Variants in PRRG1 observed in about 807,000 individuals in gnomAD.
The protein encoded by PRRG1 is proline rich and Gla domain 1.
Under a neutral mutation model 11.8 loss-of-function variants are expected in PRRG1, and 5 were observed. The observed-to-expected ratio is 0.42, with a 90% CI of 0.22 to 0.89. PRRG1 has a LOEUF of 0.89. Among genes scored for constraint, PRRG1 ranks in the 40% least tolerant of loss-of-function variants. PRRG1 has a pLI of 0.28. For missense variants in PRRG1, 155 were observed against 166.1 expected (o/e 0.93, Z 0.37); for synonymous variants, 66 against 60.4 (o/e 1.09, Z -0.43).
intron 3 of PRRG1, among the ~76,000 whole-genome samples, chrX:37,443,370 C>G (rs1933020547): frequency 9.0e-6 from 1 of 111,237 alleles, no homozygotes; most frequent in African/African-American, 3.3e-5. Context: ...TATTAGGTAT[C>G]CAAATGGAAA....
At chrX:37,431,419 G>A (rs1932826081) in intron 3 of PRRG1, among the ~76,000 whole-genome samples, 1 of 112,190 alleles carries the variant, frequency 8.9e-6, no homozygotes, top group Non-Finnish European at 1.9e-5. Flanking sequence ...TATTGTTACT[G>A]TGTTTTATTT....
intron 2 of PRRG1, among the ~76,000 whole-genome samples, chrX:37,411,574 A>T (rs1051911464): frequency 9.8e-5 from 11 of 112,065 alleles, no homozygotes; most frequent in African/African-American, 3.6e-4. Flanking sequence ...ATTTTTAAAA[A>T]TATAGCTACT....
chrX:37,375,682 A>G (rs1556371906), intron 1 of PRRG1, among the ~76,000 whole-genome samples: 2 of 111,433 alleles, frequency 1.8e-5, no homozygotes, highest in Admixed American at 9.5e-5. Flanking sequence ...AGGAACCACT[A>G]TAGTTTCACC....
intron 1 of PRRG1, among the ~76,000 whole-genome samples, chrX:37,402,402 A>G (rs190317002): frequency 3.7e-4 from 42 of 112,055 alleles, no homozygotes; most frequent in Non-Finnish European, 6.2e-4. Context: ...TCCCTATTTA[A>G]TAAGGGCTGG....
At position 37,427,176 on chromosome X, in the gene PRRG1, A is replaced by T. The variant is rs904196996; in HGVS notation, c.171+1176A>T. Among the ~76,000 whole-genome samples the T allele has an allele frequency of 3.2e-4, 36 of 112,044 alleles. 1 individual carries two copies. The highest frequency in any genetic ancestry group is 1.1e-3 in the African/African-American group (35 of 30,872). ...GTTTTCACAAGGCTAATGGCTTTTT[A>T]CCCTACTTTATCATTCTCCTTTAAA... On this transcript the variant is annotated intron_variant, in intron 3 of 3. Transcript: ENST00000378628.
In PRRG1 at chrX:37,453,945, T is replaced by A; in HGVS notation, c.*324T>A. ...CATCAACACAGTATATGTAAAACTG[T>A]CTTAAAAATCCATTAACTTCTACCT... On this transcript the variant is annotated 3_prime_UTR_variant, in exon 4 of 4. Coordinates refer to ENST00000378628, the MANE Select transcript of PRRG1 (RefSeq NM_001142395.2). 1 of 139,114 alleles carries A rather than the reference T, an allele frequency of 7.2e-6. No individual in the cohort carries two copies. The allele number at this position is 139,114 out of a possible 1,213,427, so 11.5% of individuals were successfully genotyped here. A position where few individuals can be genotyped will look rare whatever the true frequency, so the allele number is the denominator to read the frequency against.
chrX:37,409,338 A>G (rs982488660), intron 2 of PRRG1, among the ~76,000 whole-genome samples: 1 of 112,034 alleles, frequency 8.9e-6, no homozygotes, highest in African/African-American at 3.2e-5. Flanking sequence ...TTGCTGTCTT[A>G]GGAGTGGCAG....
chrX:37,403,228 G>A (rs1216366396), intron 1 of PRRG1, among the ~76,000 whole-genome samples: 1 of 109,882 alleles, frequency 9.1e-6, no homozygotes, highest in Non-Finnish European at 1.9e-5. Context: ...TTGGAACCAA[G>A]CCAAATATCC....
At chrX:37,374,425 T>C (rs1194792960) in intron 1 of PRRG1, among the ~76,000 whole-genome samples, 2 of 111,990 alleles carry the variant, frequency 1.8e-5, no homozygotes, top group African/African-American at 6.5e-5. Context: ...TCGTATCTTG[T>C]ATATATTCAT....
At chrX:37,391,559 T>C (rs1209799794) in intron 1 of PRRG1, among the ~76,000 whole-genome samples, 1 of 112,057 alleles carries the variant, frequency 8.9e-6, no homozygotes, top group Non-Finnish European at 1.9e-5. Flanking sequence ...ATTCATAGTA[T>C]TTCAGGTGGT....
Position 37,457,029 on chromosome X carries a change from A to G in PRRG1, c.*3408A>G, listed in dbSNP as rs1921382821. On this transcript the variant is annotated 3_prime_UTR_variant, in exon 4 of 4. Transcript: ENST00000378628. ...AAATGTAATGATTTCTTCTTTTCCTATTGACCAGTACAGATAGATATGTTG... is the reference window on the plus strand; with the variant it reads ...AAATGTAATGATTTCTTCTTTTCCTGTTGACCAGTACAGATAGATATGTTG... The G allele has an allele frequency of 8.9e-6, 1 of 112,061 alleles. No individual in the cohort carries two copies. Among genetic ancestry groups the G allele is most frequent in the African/African-American group, 3.2e-5 (1 of 30,848 alleles). 9.2% of individuals were successfully genotyped at this position (112,061 alleles called of 1,213,427 possible). A position where few individuals can be genotyped will look rare whatever the true frequency, so the allele number is the denominator to read the frequency against.
At position 37,406,268 on chromosome X, in the gene PRRG1, C is replaced by G; in HGVS notation, c.10+9C>G. ...AGAAAACATGGGGAGGGGTAAGTTT[C>G]TCTTCCTTTTTAAGTAATTCAGACT... On this transcript the variant is annotated intron_variant, in intron 2 of 3. Coordinates refer to ENST00000378628, the MANE Select transcript of PRRG1 (RefSeq NM_001142395.2). 1 of 1,200,181 alleles carries G rather than the reference C, an allele frequency of 8.3e-7. No individual in the cohort carries two copies. Among genetic ancestry groups the G allele is most frequent in the Non-Finnish European group, 1.1e-6 (1 of 885,566 alleles).
At chrX:37,429,887 ATGG>A (rs1168633158) in intron 3 of PRRG1, among the ~76,000 whole-genome samples, 1 of 111,948 alleles carries the variant, frequency 8.9e-6, no homozygotes, top group African/African-American at 3.3e-5. Flanking sequence ...CACTTCTTAC[ATGG>A]TGGCAGCAAG....
chrX:37,368,928 T>C (rs1057122841), intron 1 of PRRG1, among the ~76,000 whole-genome samples: 10 of 111,707 alleles, frequency 9.0e-5, no homozygotes, highest in African/African-American at 3.3e-4. Flanking sequence ...AAGTAAAATA[T>C]GGAAATCTTA....
intron 1 of PRRG1, among the ~76,000 whole-genome samples, chrX:37,383,989 A>G (rs1217809357): frequency 9.1e-6 from 1 of 109,841 alleles, no homozygotes; most frequent in African/African-American, 3.3e-5. Context: ...ATAAGCACCT[A>G]ATGCCATAGT....
chrX:37,415,783 C>A (rs1200532398), intron 2 of PRRG1, among the ~76,000 whole-genome samples: 1 of 111,635 alleles, frequency 9.0e-6, no homozygotes, highest in African/African-American at 3.3e-5. Context: ...CTATTTCTTT[C>A]CTTATTTAGG....
chrX:37,403,117 A>T (rs1183694419), intron 1 of PRRG1, among the ~76,000 whole-genome samples: 2 of 109,581 alleles, frequency 1.8e-5, no homozygotes, highest in African/African-American at 3.3e-5. Context: ...TGACCCAGCC[A>T]TCCCATTACT....
chrX:37,431,098 A>G (rs782587352), intron 3 of PRRG1, among the ~76,000 whole-genome samples: 8 of 112,325 alleles, frequency 7.1e-5, no homozygotes, highest in Non-Finnish European at 1.3e-4. Context: ...ATTTTTGTTT[A>G]TGAGTAATAT....
At chrX:37,350,801 C>T (rs1468124080) in intron 1 of PRRG1, among the ~76,000 whole-genome samples, 2 of 110,916 alleles carry the variant, frequency 1.8e-5, no homozygotes, top group African/African-American at 6.6e-5. Context: ...ACACAATTAC[C>T]CCGCCCAACC....
Sources: allele counts gnomAD v4.1 joint callset (sites outside exome capture counted in the v4.1 genomes callset), GRCh38; gene constraint gnomAD v4.1.1; transcripts MANE v1.5; gene names NCBI Gene and HGNC (gene_info 2026-07-23, HGNC 2026-07-21).